The following KCNH5 variants were observed in gnomAD, a reference collection of about 807,000 sequenced individuals.
KCNH5 encodes the protein voltage-gated delayed rectifier potassium channel KCNH5.
Under a neutral mutation model 96.1 loss-of-function variants are expected in KCNH5, and 46 were observed. The observed-to-expected ratio is 0.48, with a 90% confidence interval of 0.38 to 0.61. The LOEUF (loss-of-function observed/expected upper bound fraction) is 0.61, where lower values mean the gene tolerates loss of function less well. Among genes scored for constraint, KCNH5 ranks in the 20% least tolerant of loss-of-function variants. KCNH5 has a pLI of 0.00. For missense variants in KCNH5, 907 were observed against 1,225.8 expected (o/e 0.74, Z 3.88); for synonymous variants, 439 against 449.8 (o/e 0.98, Z 0.30).
intron 6 of KCNH5, among the ~76,000 whole-genome samples, chr14:62,955,674 A>C (rs1890090179): frequency 6.6e-6 from 1 of 152,192 alleles, no homozygotes; most frequent in Non-Finnish European, 1.5e-5. Context: ...AGCATTCTCT[A>C]CATGACTGAA....
intron 10 of KCNH5, among the ~76,000 whole-genome samples, chr14:62,767,057 C>T (rs916969840): frequency 6.7e-6 from 1 of 149,540 alleles, no homozygotes; most frequent in South Asian, 2.1e-4. Flanking sequence ...ATGCAGCCAA[C>T]AAGCATATGG....
In KCNH5 at chr14:62,742,611, G is replaced by A. The variant is rs561709039; in HGVS notation, c.2020-34156C>T. Among the ~76,000 whole-genome samples the A allele has an allele frequency of 4.6e-5, 7 of 152,194 alleles. 1 individual carries two copies. The highest frequency in any genetic ancestry group is 8.8e-5 in the Non-Finnish European group (6 of 68,032). The stretch of plus-strand genomic sequence containing the variant: ...GTGAGTCTAAACTACAGCCTTAGTG[G>A]AAAACCATCGCTTTAAACACGTCTT... On this transcript the variant is annotated intron_variant, in intron 10 of 10. Coordinates refer to ENST00000322893, the MANE Select transcript of KCNH5 (RefSeq NM_139318.5).
intron 7 of KCNH5, among the ~76,000 whole-genome samples, chr14:62,908,784 T>A: frequency 1.2e-5 from 1 of 80,246 alleles, no homozygotes; most frequent in African/African-American, 4.1e-5. Flanking sequence ...TGCTTTGTAT[T>A]TTTTTTTTTT....
At chr14:62,851,413 G>T (rs1438899152) in intron 7 of KCNH5, among the ~76,000 whole-genome samples, 1 of 150,378 alleles carries the variant, frequency 6.6e-6, no homozygotes, top group Non-Finnish European at 1.5e-5. Flanking sequence ...AAATGAAGAG[G>T]TTACTAGGAT....
At chr14:62,839,850 C>T (rs1039296488) in intron 8 of KCNH5, among the ~76,000 whole-genome samples, 1 of 152,086 alleles carries the variant, frequency 6.6e-6, no homozygotes, top group African/African-American at 2.4e-5. Context: ...TGAAAAGTTT[C>T]AGCTTCTAAC....
At chr14:62,926,152 T>C (rs543436223) in intron 7 of KCNH5, among the ~76,000 whole-genome samples, 177 of 152,226 alleles carry the variant, frequency 1.2e-3, no homozygotes, top group Admixed American at 2.1e-3. Flanking sequence ...AAATAAATGA[T>C]GCAAGGAAGA....
At chr14:63,015,626 A>G (rs1333719047) in intron 2 of KCNH5, among the ~76,000 whole-genome samples, 2 of 151,978 alleles carry the variant, frequency 1.3e-5, no homozygotes, top group Admixed American at 1.3e-4. Context: ...ACAGTTATAT[A>G]CATAGAGAGG....
chr14:62,945,003 A>G (rs1308583408), intron 7 of KCNH5, among the ~76,000 whole-genome samples: 1 of 152,170 alleles, frequency 6.6e-6, no homozygotes, highest in African/African-American at 2.4e-5. Flanking sequence ...TCTCTAAATC[A>G]AAACAGGAAC....
intron 10 of KCNH5, among the ~76,000 whole-genome samples, chr14:62,752,093 C>G (rs1022705840): frequency 6.6e-6 from 1 of 152,134 alleles, no homozygotes; most frequent in Non-Finnish European, 1.5e-5. Context: ...ATAATCTCTC[C>G]TCCCCAAGTC....
chr14:62,801,411 C>T (rs1273702437), intron 9 of KCNH5, among the ~76,000 whole-genome samples: 1 of 149,224 alleles, frequency 6.7e-6, no homozygotes, highest in Non-Finnish European at 1.5e-5. Flanking sequence ...TCTCCTCTGA[C>T]CTCATTATTA....
intron 7 of KCNH5, among the ~76,000 whole-genome samples, chr14:62,890,940 C>T (rs1387211641): frequency 6.6e-6 from 1 of 152,178 alleles, no homozygotes; most frequent in Non-Finnish European, 1.5e-5. Flanking sequence ...AAAGGGAACA[C>T]TAACACACTG....
chr14:62,846,006 T>G (rs1887683294), intron 8 of KCNH5, among the ~76,000 whole-genome samples: 1 of 152,164 alleles, frequency 6.6e-6, no homozygotes, highest in Non-Finnish European at 1.5e-5. Context: ...CTTATTCAAA[T>G]TGCTTTCAAG....
intron 2 of KCNH5, among the ~76,000 whole-genome samples, chr14:63,010,768 C>T (rs929320016): frequency 1.3e-5 from 2 of 152,138 alleles, no homozygotes; most frequent in African/African-American, 4.8e-5. Flanking sequence ...CAAAATCTCA[C>T]GAACAAGCCT....
At chr14:63,037,302 T>G (rs949766542) in intron 1 of KCNH5, among the ~76,000 whole-genome samples, 6 of 152,158 alleles carry the variant, frequency 3.9e-5, no homozygotes, top group African/African-American at 1.4e-4. Context: ...CTTATAAATA[T>G]GCACATGCCC....
At chr14:62,819,203 G>A (rs986384726) in intron 8 of KCNH5, among the ~76,000 whole-genome samples, 4 of 152,100 alleles carry the variant, frequency 2.6e-5, no homozygotes, top group East Asian at 1.9e-4. Context: ...TCCTGATCTC[G>A]TGATCCGCCC....
chr14:62,790,968 T>C (rs1192826076), intron 9 of KCNH5, among the ~76,000 whole-genome samples: 1 of 151,824 alleles, frequency 6.6e-6, no homozygotes, highest in Admixed American at 6.6e-5. Context: ...CTTTCATTTA[T>C]TTTTCTTGTC....
intron 10 of KCNH5, among the ~76,000 whole-genome samples, chr14:62,748,053 C>G (rs1018285923): frequency 1.1e-4 from 17 of 152,232 alleles, no homozygotes; most frequent in Admixed American, 2.0e-4. Context: ...GGAAAGGGGT[C>G]CCGATCCAGA....
intron 8 of KCNH5, among the ~76,000 whole-genome samples, chr14:62,808,998 G>A (rs148623005): frequency 7.9e-4 from 120 of 152,148 alleles, no homozygotes; most frequent in African/African-American, 2.6e-3. Flanking sequence ...GAGCTGGAAC[G>A]TTCATGAATA....
chr14:62,729,634 A>G (rs1595597003), intron 10 of KCNH5, among the ~76,000 whole-genome samples: 1 of 152,292 alleles, frequency 6.6e-6, no homozygotes, highest in East Asian at 1.9e-4. Flanking sequence ...CATAGAGTCA[A>G]TCTCTATGGC....
Sources: allele counts gnomAD v4.1 joint callset (sites outside exome capture counted in the v4.1 genomes callset), GRCh38; gene constraint gnomAD v4.1.1; transcripts MANE v1.5; gene names NCBI Gene and HGNC (gene_info 2026-07-23, HGNC 2026-07-21).